RSPO4: variants seen among roughly 807,000 people sequenced by gnomAD.
The protein encoded by RSPO4 is R-spondin 4, also known as R-spondin-4.
RSPO4 carries 23 observed loss-of-function variants against 24.8 expected under a neutral mutation model. The observed-to-expected ratio is 0.93, with a 90% confidence interval of 0.67 to 1.31. RSPO4 has a LOEUF of 1.31. RSPO4 is among the 40% of genes most tolerant of loss of function. The probability of loss-of-function intolerance (pLI) is 0.00; values close to 1 mark genes in which losing one functional copy is unlikely to be tolerated. For synonymous variants in RSPO4, 141 were observed against 127.4 expected, an observed-to-expected ratio of 1.11 and a Z score of -0.72; for missense variants, 333 against 316.5, an observed-to-expected ratio of 1.05 and a Z score of -0.39.
chr20:999,817 G>T (rs1233798038), intron 1 of RSPO4, among the ~76,000 whole-genome samples: 1 of 151,916 alleles, frequency 6.6e-6, no homozygotes, highest in East Asian at 1.9e-4. Context: ...TAATTTTTTT[G>T]TCTTTTTTGA....
intron 1 of RSPO4, among the ~76,000 whole-genome samples, chr20:974,753 T>C (rs1211007278): frequency 1.3e-5 from 2 of 152,120 alleles, no homozygotes; most frequent in African/African-American, 4.8e-5. Flanking sequence ...GAAGAGCCTC[T>C]GGAGAATGGA....
chr20:978,163 T>C (rs1390419371), intron 1 of RSPO4, among the ~76,000 whole-genome samples: 1 of 152,094 alleles, frequency 6.6e-6, no homozygotes, highest in East Asian at 1.9e-4. Context: ...GGCAGAACAT[T>C]CAGCAGAATG....
intron 1 of RSPO4, among the ~76,000 whole-genome samples, chr20:999,893 G>C (rs1354756661): frequency 6.6e-6 from 1 of 152,038 alleles, no homozygotes; most frequent in Non-Finnish European, 1.5e-5. Flanking sequence ...TGTTGAGACA[G>C]AGTCTCACTC....
At chr20:1,000,228 C>T (rs1441192297) in intron 1 of RSPO4, among the ~76,000 whole-genome samples, 5 of 152,148 alleles carry the variant, frequency 3.3e-5, no homozygotes, top group Non-Finnish European at 7.3e-5. Flanking sequence ...ACCAGCACAC[C>T]TCAGAAGATA....
intron 1 of RSPO4, among the ~76,000 whole-genome samples, chr20:977,372 A>G (rs1018695614): frequency 9.9e-5 from 15 of 152,200 alleles, no homozygotes; most frequent in Non-Finnish European, 8.8e-5. Flanking sequence ...TACCTTTGCC[A>G]TGTGACCTTG....
intron 1 of RSPO4, among the ~76,000 whole-genome samples, chr20:975,128 T>A (rs530036346): frequency 1.3e-5 from 2 of 152,262 alleles, no homozygotes; most frequent in East Asian, 3.9e-4. Flanking sequence ...TGTAGCTCAC[T>A]AGACAGCGAA....
Position 1,002,156 on chromosome 20 carries a change from C to T in RSPO4, c.9G>A (p.Ala3=). The T allele has an allele frequency of 6.4e-7, 1 of 1,554,376 alleles. No individual in the cohort carries two copies. The highest frequency in any genetic ancestry group is 1.4e-5 in the African/African-American group (1 of 73,254). MR[A]PLCLLLLVAH... The stretch of plus-strand genomic sequence containing the variant: ...CGACGAGCAGGAGCAGGCAGAGTGG[C>T]GCCCGCATCTGGGCAGCCGGATCCG... Residue 3 remains alanine (A), a synonymous_variant, in exon 1 of 5, where the codon GCG becomes GCA. Transcript: ENST00000217260. This position sits in a 1 kb window ranked among gnomAD's most constrained non-coding sequence, Gnocchi z 4.6.
rs1446447844 is a variant in RSPO4, at chr20:981,728, G to C, written c.80-13590C>G. Among the ~76,000 whole-genome samples the C allele has an allele frequency of 6.6e-6, 1 of 152,132 alleles. No individual in the cohort carries two copies. Among genetic ancestry groups the C allele is most frequent in the South Asian group, 2.1e-4 (1 of 4,826 alleles). On this transcript the variant is annotated intron_variant, in intron 1 of 4. Transcript: ENST00000217260. This position sits in a 1 kb window ranked among gnomAD's most constrained non-coding sequence, Gnocchi z 4.6. ...GTGTTTGGGGGACAGGGGCAGGTAT[G>C]TGCCGACACACGAGACCCCTGTCTA...
At chr20:1,000,336 C>T (rs1370435047) in intron 1 of RSPO4, among the ~76,000 whole-genome samples, 1 of 152,210 alleles carries the variant, frequency 6.6e-6, no homozygotes. Context: ...CTCTGAACCT[C>T]AGTTCCCTCA....
chr20:991,992 C>T (rs1049124091), intron 1 of RSPO4, among the ~76,000 whole-genome samples: 6 of 150,252 alleles, frequency 4.0e-5, no homozygotes, highest in East Asian at 2.0e-4. Flanking sequence ...TGCAGGGAGG[C>T]GGGGGAAGTG....
intron 1 of RSPO4, among the ~76,000 whole-genome samples, chr20:982,407 T>C (rs1266941242): frequency 2.0e-5 from 3 of 152,254 alleles, no homozygotes; most frequent in Non-Finnish European, 4.4e-5. Flanking sequence ...TTGTCAAGCA[T>C]ATGCAGTTGC....
Position 1,002,274 on chromosome 20 carries a change from G to T in RSPO4, c.-110C>A. The stretch of plus-strand genomic sequence containing the variant: ...GGGGGCTGCTGTGGGCGCGCCGGGC[G>T]CATCCGCCAGGCGCGGGTCGGTCCG... On this transcript the variant is annotated 5_prime_UTR_variant, in exon 1 of 5. Coordinates refer to ENST00000217260, the MANE Select transcript of RSPO4 (RefSeq NM_001029871.4). This position sits in a 1 kb window ranked among gnomAD's most constrained non-coding sequence, Gnocchi z 4.6. 1.9e-6 allele frequency: 1 copy of T among 514,188 alleles called. No individual in the cohort carries two copies. Among genetic ancestry groups the T allele is most frequent in the Non-Finnish European group, 2.7e-6 (1 of 373,026 alleles). 31.9% of individuals were successfully genotyped at this position (514,188 alleles called of 1,614,324 possible). A position where few individuals can be genotyped will look rare whatever the true frequency, so the allele number is the denominator to read the frequency against.
chr20:982,567 G>C (rs1489524375), intron 1 of RSPO4, among the ~76,000 whole-genome samples: 1 of 152,210 alleles, frequency 6.6e-6, no homozygotes, highest in African/African-American at 2.4e-5. Flanking sequence ...CCCAGTAGGT[G>C]CTCAGTGAGT....
chr20:982,757 G>A (rs893164639), intron 1 of RSPO4, among the ~76,000 whole-genome samples: 25 of 152,180 alleles, frequency 1.6e-4, no homozygotes, highest in African/African-American at 5.8e-4. Flanking sequence ...TGTGTATGAC[G>A]TGCCCAGCAA....
At position 981,322 on chromosome 20, in the gene RSPO4, C is replaced by T. The variant is rs191883749; in HGVS notation, c.80-13184G>A. On this transcript the variant is annotated intron_variant, in intron 1 of 4. Transcript: ENST00000217260. This position sits in a 1 kb window ranked among gnomAD's most constrained non-coding sequence, Gnocchi z 4.6. ...GGTAGATCATAGGAGGCCCGGAGTT[C>T]GAGACCAGCCTGGCCAACATGGCAA... 2.0e-5 allele frequency among the ~76,000 whole-genome samples: 3 copies of T among 152,186 alleles called. No individual in the cohort carries two copies. Among genetic ancestry groups the T allele is most frequent in the African/African-American group, 7.2e-5 (3 of 41,526 alleles).
At chr20:1,001,592 C>G (rs1341107681) in intron 1 of RSPO4, among the ~76,000 whole-genome samples, 1 of 152,142 alleles carries the variant, frequency 6.6e-6, no homozygotes, top group Non-Finnish European at 1.5e-5. Context: ...ATAGGGGGGC[C>G]ATGGAGGATC....
At chr20:989,696 A>G (rs1375133276) in intron 1 of RSPO4, among the ~76,000 whole-genome samples, 2 of 152,336 alleles carry the variant, frequency 1.3e-5, no homozygotes, top group East Asian at 3.9e-4. Flanking sequence ...CTGCACAGGC[A>G]TGGAAATTCT....
intron 1 of RSPO4, among the ~76,000 whole-genome samples, chr20:984,837 G>A (rs181841067): frequency 6.6e-6 from 1 of 152,006 alleles, no homozygotes; most frequent in Non-Finnish European, 1.5e-5. Context: ...AAGGCCCACT[G>A]TTCACCCATC....
chr20:963,440 G>C (rs1984069242), intron 4 of RSPO4, among the ~76,000 whole-genome samples: 1 of 152,146 alleles, frequency 6.6e-6, no homozygotes, highest in Non-Finnish European at 1.5e-5. Context: ...ATGGCGATGT[G>C]GCCACGTACT....
Sources: allele counts gnomAD v4.1 joint callset (sites outside exome capture counted in the v4.1 genomes callset), GRCh38; gene constraint gnomAD v4.1.1; non-coding constraint Gnocchi (gnomAD v3.1); transcripts MANE v1.5; gene names NCBI Gene and HGNC (gene_info 2026-07-23, HGNC 2026-07-21).